COL26A1: variants seen among roughly 807,000 people sequenced by gnomAD.
The protein encoded by COL26A1 is collagen alpha-1(XXVI) chain.
Under a neutral mutation model 59.3 loss-of-function variants are expected in COL26A1, and 41 were observed. The observed-to-expected ratio is 0.69, with a 90% CI of 0.54 to 0.90. The LOEUF (loss-of-function observed/expected upper bound fraction) is 0.90, where lower values mean the gene tolerates loss of function less well. COL26A1 is among the 40% of genes least tolerant of loss of function. The pLI, the probability that COL26A1 is intolerant of heterozygous loss-of-function variation, is 0.00. For synonymous variants in COL26A1, 266 were observed against 256.0 expected, an observed-to-expected ratio of 1.04 and a Z score of -0.37; for missense variants, 612 against 602.3, an observed-to-expected ratio of 1.02 and a Z score of -0.17.
In COL26A1 at chr7:101,520,612, TGACA is replaced by T. The variant is rs1191902817; in HGVS notation, c.386-12465_386-12462del. On this transcript the variant is annotated intron_variant, in intron 3 of 12. Transcript: ENST00000313669. Reference sequence around the variant, plus strand: ...AAAGGTGGGAGGAAGAGAACCAGGTTGACAGACAAGCACAGACACATACACACAC... The same window carrying T: ...AAAGGTGGGAGGAAGAGAACCAGGTTGACAAGCACAGACACATACACACAC... 3.3e-5 allele frequency among the ~76,000 whole-genome samples: 4 copies of T among 121,716 alleles called. No homozygotes were observed. The South Asian group carries it at 9.9e-4, about 30-fold the overall frequency. The allele number at this position is 121,716 out of a possible 152,430, so 79.9% of individuals were successfully genotyped here.
chr7:101,426,653 G>A (rs1174618333), intron 2 of COL26A1, among the ~76,000 whole-genome samples: 2 of 152,146 alleles, frequency 1.3e-5, no homozygotes. Flanking sequence ...AGTTTCTCCA[G>A]GGCTAAGATG....
At chr7:101,365,237 C>T (rs1791015166) in intron 1 of COL26A1, among the ~76,000 whole-genome samples, 1 of 152,094 alleles carries the variant, frequency 6.6e-6, no homozygotes, top group Non-Finnish European at 1.5e-5. Context: ...TTTCAAGTTA[C>T]AGAATAATAT....
Position 101,544,075 on chromosome 7 carries a change from A to G in COL26A1, c.682A>G (p.Lys228Glu). The G allele has an allele frequency of 6.2e-7, 1 of 1,605,510 alleles. No homozygotes were observed. Residue 228 changes from lysine (K) to glutamate (E), a missense_variant, in exon 6 of 13, where the codon AAG (lysine) becomes GAG (glutamate). Lys to Glu is a moderately conservative substitution (Grantham distance 56). Coordinates refer to ENST00000313669, the MANE Select transcript of COL26A1 (RefSeq NM_001278563.3). Reference protein sequence around the residue: ...SKGDRGQTGEKGPAGPPGLLG... With the variant: ...SKGDRGQTGEEGPAGPPGLLG... ...AGGTGACCGAGGCCAGACAGGAGAG[A>G]AGGGTCCAGCGGGGCCGCCTGGTAA...
At chr7:101,523,177 C>A (rs1442959774) in intron 3 of COL26A1, among the ~76,000 whole-genome samples, 1 of 151,730 alleles carries the variant, frequency 6.6e-6, no homozygotes, top group Non-Finnish European at 1.5e-5. Flanking sequence ...TCAAGCCATT[C>A]TCCTGCCTCA....
chr7:101,380,269 C>T (rs929171682), intron 1 of COL26A1, among the ~76,000 whole-genome samples: 1 of 149,916 alleles, frequency 6.7e-6, no homozygotes, highest in African/African-American at 2.4e-5. Flanking sequence ...GGATTACAGG[C>T]GTAAGCTACT....
At chr7:101,370,637 G>T (rs1791169658) in intron 1 of COL26A1, among the ~76,000 whole-genome samples, 1 of 152,126 alleles carries the variant, frequency 6.6e-6, no homozygotes, top group South Asian at 2.1e-4. Flanking sequence ...CTCCCAAAGT[G>T]CTGGGATTAC....
intron 3 of COL26A1, among the ~76,000 whole-genome samples, chr7:101,514,064 G>A (rs925080214): frequency 2.6e-5 from 4 of 152,072 alleles, no homozygotes; most frequent in Admixed American, 6.6e-5. Context: ...GGCTCGGCAC[G>A]GTGGCTCACT....
At chr7:101,378,894 G>A (rs1791382640) in intron 1 of COL26A1, among the ~76,000 whole-genome samples, 2 of 152,032 alleles carry the variant, frequency 1.3e-5, no homozygotes, top group South Asian at 4.2e-4. Flanking sequence ...GTTGTCCCTG[G>A]ATCAGGGTTT....
chr7:101,441,788 C>A (rs938326664), intron 2 of COL26A1, among the ~76,000 whole-genome samples: 1 of 152,118 alleles, frequency 6.6e-6, no homozygotes, highest in African/African-American at 2.4e-5. Context: ...CGGACTCTCT[C>A]CTGATGACAG....
chr7:101,400,168 A>C (rs1368073971), intron 1 of COL26A1, among the ~76,000 whole-genome samples: 1 of 151,776 alleles, frequency 6.6e-6, no homozygotes, highest in Non-Finnish European at 1.5e-5. Context: ...AGGGGTGGGG[A>C]GGGGAGTAGG....
chr7:101,557,245 C>A (rs1795999882), intron 12 of COL26A1, 125 bp from the exon 13 acceptor site: 2 of 910,906 alleles, frequency 2.2e-6, no homozygotes, highest in South Asian at 3.9e-5. Context: ...GGCTGAAAGC[C>A]TGCTGCTGCC....
At chr7:101,524,363 G>A (rs984418715) in intron 3 of COL26A1, among the ~76,000 whole-genome samples, 2 of 151,754 alleles carry the variant, frequency 1.3e-5, no homozygotes, top group African/African-American at 4.8e-5. Flanking sequence ...CTATACAGTT[G>A]AGTTACAAAG....
intron 1 of COL26A1, among the ~76,000 whole-genome samples, chr7:101,382,042 T>G (rs10258766): frequency 0.061 from 9,329 of 152,150 alleles, 659 homozygotes; most frequent in African/African-American, 0.16. Context: ...TTTTAAAATT[T>G]TTATTTATAT....
intron 2 of COL26A1, among the ~76,000 whole-genome samples, chr7:101,444,948 A>G (rs1468500640): frequency 6.6e-6 from 1 of 151,824 alleles, no homozygotes; most frequent in East Asian, 1.9e-4. Context: ...GGTTCAAGCT[A>G]TTCTGCCTCA....
chr7:101,385,245 A>G (rs945445975), intron 1 of COL26A1, among the ~76,000 whole-genome samples: 2 of 147,704 alleles, frequency 1.4e-5, no homozygotes, highest in African/African-American at 4.9e-5. Flanking sequence ...ATATATATAT[A>G]TATATACACA....
At chr7:101,489,659 TTCTTCCTTCCTTCCTTCCTTC>T (rs1563007298) in intron 3 of COL26A1, among the ~76,000 whole-genome samples, 3 of 69,114 alleles carry the variant, frequency 4.3e-5, no homozygotes, top group African/African-American at 2.6e-4. Flanking sequence ...CTTTCTTTCT[TTCTTCCTTCCTTCCTTCCTTC>T]CTTTCTTTCT....
intron 7 of COL26A1, 81 bp downstream of exon 7, chr7:101,545,571 T>A: frequency 6.9e-7 from 1 of 1,444,486 alleles, no homozygotes; most frequent in South Asian, 1.3e-5. Context: ...TAAAGGATCC[T>A]GGGAAGTGGA....
In COL26A1 at chr7:101,452,265, AG is replaced by A. The variant is rs1381912946; in HGVS notation, c.385+4480del. Among the ~76,000 whole-genome samples, 7 of 152,282 alleles carry A rather than the reference AG, an allele frequency of 4.6e-5. No individual in the cohort carries two copies. In the East Asian group the frequency reaches 1.4e-3, roughly 29 times the overall value. ...ACAGTAGCCCATGGCAGCAGGTGGC[AG>A]GACCGTGGGAGGACAGTCCCTGCTG... On this transcript the variant is annotated intron_variant, in intron 3 of 12. Coordinates refer to ENST00000313669, the MANE Select transcript of COL26A1 (RefSeq NM_001278563.3).
chr7:101,365,212 T>C (rs1437108674), intron 1 of COL26A1, among the ~76,000 whole-genome samples: 6 of 152,196 alleles, frequency 3.9e-5, no homozygotes, highest in Admixed American at 6.5e-5. Context: ...ATGAGGATTG[T>C]CTAAAAAACA....
Sources: allele counts gnomAD v4.1 joint callset (sites outside exome capture counted in the v4.1 genomes callset), GRCh38; gene constraint gnomAD v4.1.1; transcripts MANE v1.5; gene names NCBI Gene and HGNC (gene_info 2026-07-23, HGNC 2026-07-21).